The following ELF5 variants were observed in gnomAD, a reference collection of about 807,000 sequenced individuals.
ELF5 encodes E74 like ETS transcription factor 5.
In ELF5, 31 loss-of-function variants were observed where a neutral mutation model predicts 38.2. That is an observed-to-expected ratio of 0.81 (90% CI 0.61 to 1.10). ELF5 has a LOEUF of 1.10. ELF5 is among the 50% of genes least tolerant of loss of function. The pLI, the probability that ELF5 is intolerant of heterozygous loss-of-function variation, is 0.00. For synonymous variants in ELF5, 121 were observed against 112.5 expected, an observed-to-expected ratio of 1.08 and a Z score of -0.48; for missense variants, 300 against 306.6, an observed-to-expected ratio of 0.98 and a Z score of 0.16.
intron 1 of ELF5, 136 bp from the exon 2 acceptor site, chr11:34,505,889 G>A (rs2231819): frequency 8.6e-6 from 9 of 1,047,868 alleles, no homozygotes; most frequent in African/African-American, 8.2e-5. Flanking sequence ...AGCAGGCACC[G>A]CCTAGTGTCA....
chr11:34,510,022 T>A (rs899669903), intron 1 of ELF5, among the ~76,000 whole-genome samples: 3 of 152,234 alleles, frequency 2.0e-5, no homozygotes, highest in Non-Finnish European at 4.4e-5. Context: ...ATTTGGTAAA[T>A]TGAATGGCAT....
intron 2 of ELF5, 124 bp from the exon 3 acceptor site, chr11:34,493,836 G>T: frequency 1.3e-6 from 1 of 793,684 alleles, no homozygotes; most frequent in Non-Finnish European, 2.0e-6. Flanking sequence ...AGGGCCTCCA[G>T]CCCTGGGTGT....
At chr11:34,482,566 C>G in intron 4 of ELF5, 67 bp from the exon 5 acceptor site, 1 of 1,297,514 alleles carries the variant, frequency 7.7e-7, no homozygotes, top group Non-Finnish European at 1.1e-6. Context: ...CAAGTCATAC[C>G]CAAATGAGCA....
At chr11:34,512,221 C>T (rs1850778117) in intron 1 of ELF5, among the ~76,000 whole-genome samples, 1 of 151,158 alleles carries the variant, frequency 6.6e-6, no homozygotes, top group Non-Finnish European at 1.5e-5. Context: ...AGGGTTTGTT[C>T]TTCTGAGAGG....
At chr11:34,493,826 AG>A (rs1850246154) in intron 2 of ELF5, 114 bp from the exon 3 acceptor site, 1 of 882,056 alleles carries the variant, frequency 1.1e-6, no homozygotes, top group Non-Finnish European at 1.7e-6. Context: ...ATAAGTTGAA[AG>A]GGCCTCCAGC....
At chr11:34,486,005 G>A (rs1849983862) in intron 4 of ELF5, among the ~76,000 whole-genome samples, 1 of 152,160 alleles carries the variant, frequency 6.6e-6, no homozygotes, top group Admixed American at 6.5e-5. Flanking sequence ...GCAGTCTGTG[G>A]GATTTGGAGA....
intron 5 of ELF5, 89 bp downstream of exon 5, chr11:34,482,342 C>T (rs970253389): frequency 7.9e-6 from 10 of 1,264,516 alleles, no homozygotes; most frequent in Non-Finnish European, 1.1e-5. Context: ...CCAACTCAAA[C>T]ATTTAGTTTC....
intron 3 of ELF5, chr11:34,492,110 T>G (rs1471293417): frequency 6.6e-6 from 1 of 152,270 alleles, no homozygotes; most frequent in Non-Finnish European, 1.5e-5. Context: ...GGATCCTAAA[T>G]GGAGTCCCAA....
In ELF5 at chr11:34,505,669, G is replaced by A. The variant is rs1165226964; in HGVS notation, c.81C>T (p.Phe27=). The A allele has an allele frequency of 1.2e-6, 2 of 1,613,918 alleles. No homozygotes were observed. Among genetic ancestry groups the A allele is most frequent in the African/African-American group, 2.7e-5 (2 of 74,916 alleles). Residue 27 remains phenylalanine (F), a synonymous_variant, in exon 2 of 7, where the codon TTC becomes TTT. Coordinates refer to ENST00000257832, the MANE Select transcript of ELF5 (RefSeq NM_001422.4). ...AGGCAGGGTAGTACTCTTCATTGCT[G>A]AACAGATCAGTCCACGACATCAGGG... is the stretch of plus-strand genomic sequence containing the variant. ...CDPLMSWTDL[F]SNEEYYPAFE...
rs957102830 is a variant in ELF5, at chr11:34,479,424, AG to A, written c.*793del. On this transcript the variant is annotated 3_prime_UTR_variant, in exon 7 of 7. Coordinates refer to ENST00000257832, the MANE Select transcript of ELF5 (RefSeq NM_001422.4). ...ACAATTAATAATGTGGTTAATGTTA[AG>A]TGTTTAAGTCCAGAAGGATGTCTGT... is the stretch of plus-strand genomic sequence containing the variant. The A allele has an allele frequency of 2.2e-4, 34 of 152,228 alleles. No individual in the cohort carries two copies. Among genetic ancestry groups the A allele is most frequent in the African/African-American group, 7.5e-4 (31 of 41,456 alleles). The allele number at this position is 152,228 out of a possible 1,614,324, so 9.4% of individuals were successfully genotyped here. A position where few individuals can be genotyped will look rare whatever the true frequency, so the allele number is the denominator to read the frequency against.
chr11:34,506,142 G>A (rs1204004877), intron 1 of ELF5, among the ~76,000 whole-genome samples: 4 of 152,172 alleles, frequency 2.6e-5, no homozygotes, highest in Non-Finnish European at 5.9e-5. Context: ...TAGAAACAGC[G>A]TGAGATGCAG....
intron 2 of ELF5, among the ~76,000 whole-genome samples, chr11:34,495,336 A>G (rs1000989819): frequency 1.3e-5 from 2 of 152,200 alleles, no homozygotes; most frequent in African/African-American, 2.4e-5. Flanking sequence ...CAGCGTTTAA[A>G]GGTGAGTAGA....
chr11:34,494,475 T>C (rs1051285581), intron 2 of ELF5, among the ~76,000 whole-genome samples: 20 of 152,150 alleles, frequency 1.3e-4, no homozygotes, highest in Admixed American at 1.3e-3. Flanking sequence ...TGTATTGTTG[T>C]TCTTGTGTTT....
At chr11:34,493,391 C>T (rs764081008) in intron 3 of ELF5, 88 bp downstream of exon 3, 3 of 1,280,180 alleles carry the variant, frequency 2.3e-6, no homozygotes. Context: ...TTTTGCTGTG[C>T]AATTCACACG....
At chr11:34,500,250 G>A (rs1018825398) in intron 2 of ELF5, among the ~76,000 whole-genome samples, 6 of 152,186 alleles carry the variant, frequency 3.9e-5, no homozygotes, top group African/African-American at 1.4e-4. Flanking sequence ...TAGGGAGTTG[G>A]GAAAGTGTTT....
In ELF5 at chr11:34,482,014, G is replaced by A. The variant is rs115263130; in HGVS notation, c.475+417C>T. ...GAAGCTAATAGGATTGCCAATTCCC[G>A]GTGTTTTCTTTGTTATCCTCCTCTG... is the stretch of plus-strand genomic sequence containing the variant. On this transcript the variant is annotated intron_variant, in intron 5 of 6. Transcript: ENST00000257832. Among the ~76,000 whole-genome samples the A allele has an allele frequency of 4.2e-3, 635 of 152,268 alleles. 6 individuals carry two copies. Among genetic ancestry groups the A allele is most frequent in the African/African-American group, 0.014 (595 of 41,550 alleles).
Position 34,479,293 on chromosome 11 carries a change from T to G in ELF5, c.*925A>C, listed in dbSNP as rs113413643. 1.5e-4 allele frequency: 23 copies of G among 152,466 alleles called. No individual in the cohort carries two copies. Among genetic ancestry groups the G allele is most frequent in the African/African-American group, 5.3e-4 (22 of 41,582 alleles). The allele number at this position is 152,466 out of a possible 1,614,324, so 9.4% of individuals were successfully genotyped here. A position where few individuals can be genotyped will look rare whatever the true frequency, so the allele number is the denominator to read the frequency against. On this transcript the variant is annotated 3_prime_UTR_variant, in exon 7 of 7. Coordinates refer to ENST00000257832, the MANE Select transcript of ELF5 (RefSeq NM_001422.4). ...ATTTCGATTTTATTGTGTTGACAGC[T>G]TGAATCACAGAAACAGCAGTGATTT...
chr11:34,512,424 A>G (rs962301859), intron 1 of ELF5, among the ~76,000 whole-genome samples: 1 of 152,308 alleles, frequency 6.6e-6, no homozygotes, highest in East Asian at 1.9e-4. Context: ...TTTGGATTAC[A>G]TATATCAGGG....
chr11:34,480,238 A>T lies in ELF5; in HGVS notation c.748T>A (p.Trp250Arg), dbSNP rs776043452. Residue 250 changes from tryptophan to arginine, a missense_variant, in exon 7 of 7, where the codon TGG (tryptophan) becomes AGG (arginine). By Grantham distance (101) the Trp-to-Arg change is moderately radical (BLOSUM62 -3). Transcript: ENST00000257832. Reference sequence around the variant, plus strand: ...GCAGATCATAGCTTGTCTTCCTGCCACCCGTGTGCATTTTTTCCAAATTTG... The same window carrying T: ...GCAGATCATAGCTTGTCTTCCTGCCTCCCGTGTGCATTTTTTCCAAATTTG... ...VYKFGKNAHG[W>R]QEDKL 9 of 1,613,914 alleles carry T rather than the reference A, an allele frequency of 5.6e-6. No individual in the cohort carries two copies. The African/African-American group carries it at 1.2e-4, about 22-fold the overall frequency.
Sources: allele counts gnomAD v4.1 joint callset (sites outside exome capture counted in the v4.1 genomes callset), GRCh38; gene constraint gnomAD v4.1.1; transcripts MANE v1.5; gene names NCBI Gene and HGNC (gene_info 2026-07-23, HGNC 2026-07-21).